Variants in CLASRP observed in about 807,000 individuals in gnomAD.
CLASRP encodes CLK4-associating serine/arginine rich protein.
Under a neutral mutation model 99.9 loss-of-function variants are expected in CLASRP, and 52 were observed. The ratio of observed to expected loss-of-function variants is 0.52; its 90% CI spans 0.42 to 0.66. The LOEUF is 0.66. Among genes scored for constraint, CLASRP ranks in the 30% least tolerant of loss-of-function variants. The pLI is 0.00. For missense variants in CLASRP, 848 were observed against 999.2 expected, an observed-to-expected ratio of 0.85 and a Z score of 2.04; for synonymous variants, 379 against 373.0, an observed-to-expected ratio of 1.02 and a Z score of -0.18.
At chr19:45,062,285 G>A in intron 11 of CLASRP, 90 bp downstream of exon 11, 2 of 815,950 alleles carry the variant, frequency 2.5e-6, no homozygotes, top group East Asian at 2.4e-5. Flanking sequence ...GGTTCACCCT[G>A]CTAGGCCACC....
intron 2 of CLASRP, among the ~76,000 whole-genome samples, chr19:45,047,232 T>C (rs538125962): frequency 6.6e-6 from 1 of 152,124 alleles, no homozygotes; most frequent in Non-Finnish European, 1.5e-5. Flanking sequence ...ACAATATCGA[T>C]GAGCCCTGAA....
In CLASRP at chr19:45,064,593, G is replaced by C. The variant is rs749163716; in HGVS notation, c.1372G>C (p.Ala458Pro). Residue 458 changes from alanine (A) to proline (P), a missense_variant, in exon 13 of 21, where the codon GCC (alanine) becomes CCC (proline). By Grantham distance (27) the Ala-to-Pro change is conservative (BLOSUM62 -1). This residue lies in a region of CLASRP where 489 missense variants were observed against 434.7 expected (regional missense o/e 1.12). Transcript: ENST00000221455. ...RDGHRYSRSP[A>P]RRGGYGPRRR... ...CGGACACCGGTACTCCCGCTCGCCC[G>C]CCCGGCGTGGTGGTTACGGGCCCCG... 3 of 1,547,084 alleles carry C rather than the reference G, an allele frequency of 1.9e-6. No individual in the cohort carries two copies. Among genetic ancestry groups the C allele is most frequent in the Non-Finnish European group, 2.6e-6 (3 of 1,151,722 alleles).
intron 16 of CLASRP, 65 bp downstream of exon 16, chr19:45,068,545 A>C (rs1039373085): frequency 3.8e-5 from 47 of 1,233,680 alleles, no homozygotes; most frequent in Non-Finnish European, 5.3e-5. Context: ...GGGAGCAAGG[A>C]GACTCAGCAC....
chr19:45,039,367 A>C (rs80056629), intron 1 of CLASRP, among the ~76,000 whole-genome samples: 2 of 148,134 alleles, frequency 1.4e-5, no homozygotes, highest in African/African-American at 2.6e-5. Context: ...AAAAAAAAAA[A>C]CAACAAAAAA....
intron 10 of CLASRP, 117 bp from the exon 11 acceptor site, chr19:45,062,036 GC>G: frequency 1.3e-6 from 1 of 746,500 alleles, no homozygotes; most frequent in Non-Finnish European, 2.4e-6. Flanking sequence ...CTGGTCAGCA[GC>G]CCCCTCACTG....
chr19:45,067,594 A>G lies in CLASRP; in HGVS notation c.1667A>G (p.Lys556Arg). 6.3e-7 allele frequency: 1 copy of G among 1,595,088 alleles called. No homozygotes were observed. The highest frequency in any genetic ancestry group is 8.5e-7 in the Non-Finnish European group (1 of 1,172,038). The change falls in exon 14 of 21, where the codon AAG becomes AGG. Residue 556 changes from lysine to arginine, a missense_variant and splice_region_variant. Lys to Arg is a conservative substitution (Grantham distance 26). Coordinates refer to ENST00000221455, the MANE Select transcript of CLASRP (RefSeq NM_007056.3). This position sits in a 1 kb window ranked among gnomAD's most constrained non-coding sequence, Gnocchi z 4.9. ...CCTGCTGTGGGCGAGAAGCTGAAAAAGTGAGCGGGGCGGGTCTGGAGGAAG... is the reference window on the plus strand; with the variant it reads ...CCTGCTGTGGGCGAGAAGCTGAAAAGGTGAGCGGGGCGGGTCTGGAGGAAG... ...ASPAVGEKLK[K>R]TEPAAGKETG...
chr19:45,040,534 C>T (rs1971792612), intron 2 of CLASRP: 2 of 403,884 alleles, frequency 5.0e-6, no homozygotes, highest in Admixed American at 3.6e-5. Flanking sequence ...AGTGCCGATC[C>T]GGTGTTAGCA....
At chr19:45,056,285 G>T (rs1326218441) in intron 5 of CLASRP, among the ~76,000 whole-genome samples, 165 bp from the exon 6 acceptor site, 1 of 152,218 alleles carries the variant, frequency 6.6e-6, no homozygotes, top group Non-Finnish European at 1.5e-5. Flanking sequence ...TGCTGCAGTT[G>T]CTTGTGTCCC....
In CLASRP at chr19:45,040,205, T is replaced by C. The variant is rs764009712; in HGVS notation, c.-8T>C. 2.5e-6 allele frequency: 4 copies of C among 1,600,662 alleles called. No individual in the cohort carries two copies. Among genetic ancestry groups the C allele is most frequent in the East Asian group, 2.2e-5 (1 of 44,604 alleles). On this transcript the variant is annotated 5_prime_UTR_variant, in exon 2 of 21. Coordinates refer to ENST00000221455, the MANE Select transcript of CLASRP (RefSeq NM_007056.3). Reference sequence around the variant, plus strand: ...TCAGGTTGAGGCCCCAGGCTTGGCCTCACCACAATGTGGCACGAGGCTCGG... The same window carrying C: ...TCAGGTTGAGGCCCCAGGCTTGGCCCCACCACAATGTGGCACGAGGCTCGG...
intron 2 of CLASRP, 177 bp downstream of exon 2, chr19:45,040,488 T>G: frequency 1.9e-6 from 1 of 525,268 alleles, no homozygotes; most frequent in East Asian, 3.5e-5. Flanking sequence ...GGCTTCTGTT[T>G]GTTGTAGCAT....
At chr19:45,047,163 C>CT (rs1214632154) in intron 2 of CLASRP, among the ~76,000 whole-genome samples, 3 of 152,034 alleles carry the variant, frequency 2.0e-5, no homozygotes, top group African/African-American at 7.2e-5. Context: ...AAAATGTGGT[C>CT]TCTACACATA....
Position 45,069,232 on chromosome 19 carries a change from CGCAA to C in CLASRP, c.1860_1863del (p.Lys621SerfsTer3). On this transcript the variant is annotated frameshift_variant, in exon 18 of 21. Coordinates refer to ENST00000221455, the MANE Select transcript of CLASRP (RefSeq NM_007056.3). LOFTEE classifies it high-confidence loss of function. Reference sequence around the variant, plus strand: ...GGAAGACGAGCTTCGAGCCATGGCCCGCAAGATCCGCATGAAGTAAGACCTTGCC... The same window carrying C: ...GGAAGACGAGCTTCGAGCCATGGCCCGATCCGCATGAAGTAAGACCTTGCC... 6.2e-7 allele frequency: 1 copy of C among 1,613,698 alleles called. No homozygotes were observed. The highest frequency in any genetic ancestry group is 8.5e-7 in the Non-Finnish European group (1 of 1,180,018).
At chr19:45,066,648 AGAG>A (rs923172674) in intron 13 of CLASRP, among the ~76,000 whole-genome samples, 1 of 149,858 alleles carries the variant, frequency 6.7e-6, no homozygotes, top group African/African-American at 2.5e-5. Flanking sequence ...AAAAAAAAAA[AGAG>A]CCCAAGCAGA....
intron 11 of CLASRP, among the ~76,000 whole-genome samples, chr19:45,063,804 C>G (rs1966997989): frequency 6.6e-6 from 1 of 152,120 alleles, no homozygotes; most frequent in African/African-American, 2.4e-5. Flanking sequence ...TGTCATTGTC[C>G]TTCCTGGTTA....
At position 45,053,854 on chromosome 19, in the gene CLASRP, C is replaced by G. The variant is rs566450874; in HGVS notation, c.379+677C>G. On this transcript the variant is annotated intron_variant, in intron 5 of 20. Coordinates refer to ENST00000221455, the MANE Select transcript of CLASRP (RefSeq NM_007056.3). Reference sequence around the variant, plus strand: ...CCAGGCTGGTCTGAACTCCTGGGCTCAAGTGATCCTCCTGCCTTGGCCTCC... The same window carrying G: ...CCAGGCTGGTCTGAACTCCTGGGCTGAAGTGATCCTCCTGCCTTGGCCTCC... Among the ~76,000 whole-genome samples the G allele has an allele frequency of 3.3e-5, 5 of 152,304 alleles. No individual in the cohort carries two copies. The East Asian group carries it at 9.7e-4, about 29-fold the overall frequency.
In CLASRP at chr19:45,052,151, T is replaced by C. The variant is rs1972036118; in HGVS notation, c.180T>C (p.Ala60=). The part of the protein sequence containing the change: ...VHLDSAVALA[A]ESPVNMMPWQ... ...TGGATTCTGCAGTCGCCCTGGCCGC[T>C]GAGAGCCCTGTTAATATGTAAGACT... The change falls in exon 3 of 21, where the codon GCT becomes GCC. Residue 60 remains alanine (A), a synonymous_variant. Coordinates refer to ENST00000221455, the MANE Select transcript of CLASRP (RefSeq NM_007056.3). 1.2e-6 allele frequency: 2 copies of C among 1,613,802 alleles called. No homozygotes were observed. The highest frequency in any genetic ancestry group is 1.7e-5 in the Admixed American group (1 of 59,988).
chr19:45,042,617 CTTT>C (rs549129595), intron 2 of CLASRP, among the ~76,000 whole-genome samples: 1 of 144,036 alleles, frequency 6.9e-6, no homozygotes, highest in Admixed American at 7.0e-5. Context: ...GCTCCAAAAT[CTTT>C]TTTTTTTTTT....
chr19:45,056,304 T>G, intron 5 of CLASRP, 146 bp from the exon 6 acceptor site: 1 of 676,404 alleles, frequency 1.5e-6, no homozygotes, highest in Non-Finnish European at 2.6e-6. Context: ...CCACCAGACA[T>G]AGTTTGATTA....
Position 45,059,324 on chromosome 19 carries a change from C to A in CLASRP, c.670C>A (p.Gln224Lys). The change falls in exon 8 of 21, where the codon CAG becomes AAG. Residue 224 changes from glutamine (Q) to lysine (K), a missense_variant. Physicochemically the swap from Gln to Lys is moderately conservative, Grantham distance 53 (BLOSUM62 1). Coordinates refer to ENST00000221455, the MANE Select transcript of CLASRP (RefSeq NM_007056.3). ...GGAGCAGGTGGCAGATCTCAACAAA[C>A]AGGCCACGACTTATGGCATGGCCGA... ...NQEQVADLNK[Q>K]ATTYGMADGD... 1 of 1,606,244 alleles carries A rather than the reference C, an allele frequency of 6.2e-7. No homozygotes were observed. Among genetic ancestry groups the A allele is most frequent in the Non-Finnish European group, 8.5e-7 (1 of 1,176,154 alleles).
Sources: gnomAD v4.1 joint callset for allele counts (sites outside exome capture counted in the v4.1 genomes callset) on GRCh38, gnomAD v4.1.1 for gene constraint, gnomAD v4.1.1 regional missense constraint, Gnocchi (gnomAD v3.1) non-coding constraint, MANE v1.5 for transcripts, NCBI Gene and HGNC (gene_info 2026-07-23, HGNC 2026-07-21) for gene names.